The following ENTHD1 variants were observed in gnomAD, a reference collection of about 807,000 sequenced individuals.
ENTHD1 encodes the protein ENTH domain-containing protein 1.
A neutral mutation model predicts 39.1 loss-of-function variants in ENTHD1; 23 were observed. The ratio of observed to expected loss-of-function variants is 0.59; its 90% CI spans 0.42 to 0.83. ENTHD1 has a LOEUF of 0.83. ENTHD1 is among the 40% of genes least tolerant of loss of function. The pLI is 0.00. For synonymous variants in ENTHD1, 230 were observed against 258.2 expected (o/e 0.89, Z 1.05); for missense variants, 624 against 705.4 (o/e 0.88, Z 1.31).
At chr22:39,798,549 G>A (rs1002087872) in intron 5 of ENTHD1, among the ~76,000 whole-genome samples, 1 of 152,132 alleles carries the variant, frequency 6.6e-6, no homozygotes, top group African/African-American at 2.4e-5. Context: ...CTTAGGCTGT[G>A]GTTGTTAGTA....
intron 3 of ENTHD1, among the ~76,000 whole-genome samples, chr22:39,855,010 C>G (rs1032969703): frequency 6.6e-6 from 1 of 152,186 alleles, no homozygotes; most frequent in African/African-American, 2.4e-5. Context: ...CCACTTACCC[C>G]CATTGCCTCT....
chr22:39,817,015 A>G (rs965409570), intron 5 of ENTHD1, among the ~76,000 whole-genome samples: 2 of 152,284 alleles, frequency 1.3e-5, no homozygotes, highest in South Asian at 2.1e-4. Context: ...AATCCATAGA[A>G]GAGGAAATAG....
intron 3 of ENTHD1, among the ~76,000 whole-genome samples, chr22:39,844,946 G>A (rs1248519301): frequency 6.6e-6 from 1 of 152,078 alleles, no homozygotes; most frequent in Non-Finnish European, 1.5e-5. Flanking sequence ...CACAGGAATA[G>A]GATACATACC....
At chr22:39,842,152 C>G (rs1569163326) in intron 3 of ENTHD1, among the ~76,000 whole-genome samples, 1 of 151,208 alleles carries the variant, frequency 6.6e-6, no homozygotes, top group Non-Finnish European at 1.5e-5. Context: ...CAACCTTTCT[C>G]TCTGGCTGCC....
In ENTHD1 at chr22:39,876,057, T is replaced by C. The variant is rs529841038; in HGVS notation, c.349+11343A>G. ...AGGATCAGATTGGGTCCTGCTACTCTCAACCTTGAAGTCCCCACGTATGAG... is the reference window on the plus strand; with the variant it reads ...AGGATCAGATTGGGTCCTGCTACTCCCAACCTTGAAGTCCCCACGTATGAG... On this transcript the variant is annotated intron_variant, in intron 2 of 6. Coordinates refer to ENST00000325157, the MANE Select transcript of ENTHD1 (RefSeq NM_152512.4). 66 of 1,613,942 alleles carry C rather than the reference T, an allele frequency of 4.1e-5. 1 individual carries two copies. The South Asian group carries it at 6.1e-4, about 15-fold the overall frequency.
At chr22:39,783,330 A>G (rs530022396) in intron 5 of ENTHD1, among the ~76,000 whole-genome samples, 50 of 152,270 alleles carry the variant, frequency 3.3e-4, no homozygotes, top group African/African-American at 1.2e-3. Context: ...TAGTACCAAA[A>G]GCAATTTAGG....
At chr22:39,880,283 T>C (rs1442444258) in intron 2 of ENTHD1, among the ~76,000 whole-genome samples, 3 of 152,066 alleles carry the variant, frequency 2.0e-5, no homozygotes, top group Non-Finnish European at 4.4e-5. Context: ...AAGGAAAAAT[T>C]ATGGAGACAG....
At chr22:39,764,174 C>T (rs1351896157) in intron 6 of ENTHD1, among the ~76,000 whole-genome samples, 1 of 152,144 alleles carries the variant, frequency 6.6e-6, no homozygotes, top group African/African-American at 2.4e-5. Context: ...TTAAAAGATT[C>T]ACGTTAAAAT....
At chr22:39,849,837 G>A (rs757507247) in intron 3 of ENTHD1, among the ~76,000 whole-genome samples, 12 of 152,004 alleles carry the variant, frequency 7.9e-5, no homozygotes, top group Non-Finnish European at 1.8e-4. Context: ...AATGATGCTC[G>A]TTTCTTCCAT....
At chr22:39,827,511 C>G (rs2065836405) in intron 4 of ENTHD1, among the ~76,000 whole-genome samples, 1 of 151,552 alleles carries the variant, frequency 6.6e-6, no homozygotes, top group Non-Finnish European at 1.5e-5. Context: ...GATGAGAAAC[C>G]AAAAAGGAAA....
intron 6 of ENTHD1, among the ~76,000 whole-genome samples, chr22:39,759,617 G>A (rs2065214254): frequency 6.6e-6 from 1 of 151,568 alleles, no homozygotes; most frequent in East Asian, 1.9e-4. Context: ...ACTGACTTTA[G>A]GTTTAATTTG....
rs528729415 is a variant in ENTHD1, at chr22:39,866,501, C to T, written c.350-4494G>A. Among the ~76,000 whole-genome samples the T allele has an allele frequency of 3.9e-5, 6 of 152,264 alleles. No individual in the cohort carries two copies. The South Asian group carries it at 1.0e-3, about 26-fold the overall frequency. On this transcript the variant is annotated intron_variant, in intron 2 of 6. Transcript: ENST00000325157. ...CAGACTTTAATTTTGGGTGTGGTCACGGAAAGTCTTGCAGAAGAGGTAACA... is the reference window on the plus strand; with the variant it reads ...CAGACTTTAATTTTGGGTGTGGTCATGGAAAGTCTTGCAGAAGAGGTAACA...
chr22:39,815,340 G>A (rs1193679936), intron 5 of ENTHD1, among the ~76,000 whole-genome samples: 1 of 152,004 alleles, frequency 6.6e-6, no homozygotes, highest in Non-Finnish European at 1.5e-5. Flanking sequence ...CTACTTGGGA[G>A]GCTGAGGCAG....
At chr22:39,870,063 C>T (rs2066229384) in intron 2 of ENTHD1, among the ~76,000 whole-genome samples, 2 of 151,622 alleles carry the variant, frequency 1.3e-5, no homozygotes, top group South Asian at 4.2e-4. Context: ...GCCACCTAGG[C>T]TGGAGTGTAG....
In ENTHD1 at chr22:39,747,797, TA is replaced by T. The variant is rs112248034; in HGVS notation, c.1220-3515del. 1.5e-3 allele frequency among the ~76,000 whole-genome samples: 229 copies of T among 148,070 alleles called. 1 individual carries two copies. Among genetic ancestry groups the T allele is most frequent in the Non-Finnish European group, 2.9e-4 (19 of 66,588 alleles). ...GAAAACAGATTTTAGCCCACTTCAT[TA>T]AAAAAAAAACTTTCTCATTGTCATG... On this transcript the variant is annotated intron_variant, in intron 6 of 6. Coordinates refer to ENST00000325157, the MANE Select transcript of ENTHD1 (RefSeq NM_152512.4).
chr22:39,748,613 C>T (rs1187073465), intron 6 of ENTHD1, among the ~76,000 whole-genome samples: 5 of 151,712 alleles, frequency 3.3e-5, no homozygotes, highest in Admixed American at 6.6e-5. Context: ...TTAGTAGAGA[C>T]GGGGTTTCAC....
intron 3 of ENTHD1, among the ~76,000 whole-genome samples, chr22:39,853,356 C>G (rs1411916595): frequency 6.6e-6 from 1 of 151,926 alleles, no homozygotes; most frequent in African/African-American, 2.4e-5. Context: ...TATGGTGAAA[C>G]CCTGTCTCTA....
chr22:39,837,945 T>G (rs997015323), intron 3 of ENTHD1, among the ~76,000 whole-genome samples: 1 of 152,202 alleles, frequency 6.6e-6, no homozygotes, highest in Non-Finnish European at 1.5e-5. Context: ...AAACTTTAAA[T>G]CTGATTTGGC....
chr22:39,778,653 T>G (rs1398580101), intron 5 of ENTHD1, among the ~76,000 whole-genome samples: 2 of 152,246 alleles, frequency 1.3e-5, no homozygotes, highest in East Asian at 3.8e-4. Context: ...GGAAACACCT[T>G]ACTGAATACC....
Sources: gnomAD v4.1 joint callset for allele counts (sites outside exome capture counted in the v4.1 genomes callset) on GRCh38, gnomAD v4.1.1 for gene constraint, MANE v1.5 for transcripts, NCBI Gene and HGNC (gene_info 2026-07-23, HGNC 2026-07-21) for gene names.